MCTP2: variants seen among roughly 807,000 people sequenced by gnomAD.
MCTP2 encodes multiple C2 and transmembrane domain-containing protein 2.
A neutral mutation model predicts 111.6 loss-of-function variants in MCTP2; 132 were observed. That is an observed-to-expected ratio of 1.18 (90% CI 1.03 to 1.37). MCTP2 has a LOEUF of 1.37. Ranked by LOEUF, MCTP2 falls within the 40% of genes most tolerant of loss-of-function variation. The pLI is 0.00. For synonymous variants in MCTP2, 395 were observed against 387.7 expected (o/e 1.02, Z -0.22); for missense variants, 1,183 against 1,067.9 (o/e 1.11, Z -1.50).
intron 21 of MCTP2, 40 bp from the exon 22 acceptor site, chr15:94,476,656 A>G (rs199803125): frequency 7.7e-5 from 78 of 1,013,060 alleles, no homozygotes; most frequent in Non-Finnish European, 1.1e-4. Context: ...AGATAGACAG[A>G]CAGACAGATA....
chr15:94,254,873 C>T (rs1419250890), intron 1 of MCTP2, among the ~76,000 whole-genome samples: 1 of 152,166 alleles, frequency 6.6e-6, no homozygotes, highest in Non-Finnish European at 1.5e-5. Context: ...TCCAAACTGT[C>T]AATTTGCTTA....
intron 17 of MCTP2, among the ~76,000 whole-genome samples, chr15:94,424,968 T>A (rs1348045683): frequency 6.6e-6 from 1 of 152,142 alleles, no homozygotes; most frequent in African/African-American, 2.4e-5. Flanking sequence ...AGGTTTCTAT[T>A]TTTTTCATGC....
chr15:94,256,917 C>T (rs746362444), intron 1 of MCTP2, among the ~76,000 whole-genome samples: 26 of 152,162 alleles, frequency 1.7e-4, no homozygotes, highest in Admixed American at 6.5e-4. Flanking sequence ...CACTATGATC[C>T]TTTGAAAATC....
At chr15:94,446,630 C>T (rs1367345120) in intron 19 of MCTP2, among the ~76,000 whole-genome samples, 1 of 152,180 alleles carries the variant, frequency 6.6e-6, no homozygotes, top group Non-Finnish European at 1.5e-5. Flanking sequence ...TCCAGCCCAA[C>T]AATCACTTAC....
intron 1 of MCTP2, among the ~76,000 whole-genome samples, chr15:94,284,899 G>T (rs937758401): frequency 1.3e-5 from 2 of 152,166 alleles, no homozygotes; most frequent in South Asian, 2.1e-4. Flanking sequence ...AAAAGATTAG[G>T]TAAGATCTCA....
At chr15:94,361,677 A>G (rs1356830977) in intron 10 of MCTP2, among the ~76,000 whole-genome samples, 1 of 152,248 alleles carries the variant, frequency 6.6e-6, no homozygotes, top group Non-Finnish European at 1.5e-5. Flanking sequence ...AGATATGACT[A>G]GTAAAATTCA....
intron 4 of MCTP2, among the ~76,000 whole-genome samples, chr15:94,326,808 T>TCCCCC (rs1170531750): frequency 1.0e-4 from 4 of 39,442 alleles, no homozygotes; most frequent in East Asian, 9.4e-4. Context: ...CCTCAGGTGA[T>TCCCCC]CCCCGCCCCA....
chr15:94,257,972 T>A (rs1405639897), intron 1 of MCTP2, among the ~76,000 whole-genome samples: 2 of 151,200 alleles, frequency 1.3e-5, no homozygotes, highest in African/African-American at 4.9e-5. Flanking sequence ...GCAACCTCCA[T>A]CTCCTGAGTT....
chr15:94,346,529 G>A (rs1327957829), intron 8 of MCTP2, among the ~76,000 whole-genome samples: 1 of 152,124 alleles, frequency 6.6e-6, no homozygotes, highest in Non-Finnish European at 1.5e-5. Context: ...ACCACCCAAA[G>A]CAGTAAAGTT....
intron 20 of MCTP2, among the ~76,000 whole-genome samples, chr15:94,459,505 T>A (rs1466299736): frequency 6.6e-6 from 1 of 152,230 alleles, no homozygotes; most frequent in Non-Finnish European, 1.5e-5. Flanking sequence ...ACAAAGTTGA[T>A]GAATTTTTAT....
chr15:94,388,175 T>G (rs2080627815), intron 14 of MCTP2, among the ~76,000 whole-genome samples: 1 of 152,192 alleles, frequency 6.6e-6, no homozygotes, highest in Admixed American at 6.5e-5. Context: ...ATGTGTTTGT[T>G]TCTAATATAA....
chr15:94,241,351 G>T (rs1224198445), intron 1 of MCTP2, among the ~76,000 whole-genome samples: 1 of 152,184 alleles, frequency 6.6e-6, no homozygotes, highest in East Asian at 1.9e-4. Context: ...TATAGGTTAT[G>T]AATGGTAATT....
At chr15:94,390,068 A>ATATATATATATATATATACG (rs2080804181) in intron 14 of MCTP2, among the ~76,000 whole-genome samples, 1 of 25,838 alleles carries the variant, frequency 3.9e-5, no homozygotes, top group African/African-American at 9.2e-5. Context: ...ATATATATAT[A>ATATATATATATATATATACG]TATATATATA....
At chr15:94,268,934 G>C (rs2073755408) in intron 1 of MCTP2, among the ~76,000 whole-genome samples, 1 of 152,134 alleles carries the variant, frequency 6.6e-6, no homozygotes, top group Admixed American at 6.5e-5. Context: ...ATCAGGGATG[G>C]ATTGATGGAA....
intron 4 of MCTP2, among the ~76,000 whole-genome samples, 154 bp from the exon 5 acceptor site, chr15:94,339,133 ATTC>A (rs1234807417): frequency 1.3e-5 from 2 of 152,198 alleles, no homozygotes; most frequent in Non-Finnish European, 2.9e-5. Flanking sequence ...TTTACCCCAA[ATTC>A]TTTCATATCT....
intron 20 of MCTP2, among the ~76,000 whole-genome samples, chr15:94,465,617 T>C (rs2073209368): frequency 6.6e-6 from 1 of 152,128 alleles, no homozygotes; most frequent in Non-Finnish European, 1.5e-5. Flanking sequence ...TCTTTCAACC[T>C]GTCTTTTTGT....
chr15:94,464,813 T>C (rs2073127352), intron 20 of MCTP2, among the ~76,000 whole-genome samples: 1 of 152,092 alleles, frequency 6.6e-6, no homozygotes, highest in African/African-American at 2.4e-5. Context: ...TATGGAGATT[T>C]TCTAGTTATC....
chr15:94,311,048 G>T (rs1321469161), intron 2 of MCTP2, among the ~76,000 whole-genome samples: 1 of 142,642 alleles, frequency 7.0e-6, no homozygotes, highest in Non-Finnish European at 1.5e-5. Flanking sequence ...TTTTTGAGAT[G>T]GAGTCTCACT....
At chr15:94,308,424 A>G (rs1042860089) in intron 2 of MCTP2, among the ~76,000 whole-genome samples, 8 of 152,056 alleles carry the variant, frequency 5.3e-5, no homozygotes, top group African/African-American at 1.7e-4. Flanking sequence ...GGGAAGCCCA[A>G]CCTAGAGTGC....
Sources: allele counts gnomAD v4.1 joint callset (sites outside exome capture counted in the v4.1 genomes callset), GRCh38; gene constraint gnomAD v4.1.1; transcripts MANE v1.5; gene names NCBI Gene and HGNC (gene_info 2026-07-23, HGNC 2026-07-21).